PAK3: variants seen among roughly 807,000 people sequenced by gnomAD.
PAK3 encodes the protein p21 (RAC1) activated kinase 3, also known as serine/threonine-protein kinase PAK 3.
A neutral mutation model predicts 41.0 loss-of-function variants in PAK3; 4 were observed. That is an observed-to-expected ratio of 0.10 (90% CI 0.05 to 0.22). PAK3 has a LOEUF of 0.22. PAK3 is among the 10% of genes least tolerant of loss of function. PAK3 has a pLI of 1.00. For synonymous variants in PAK3, 146 were observed against 139.6 expected (o/e 1.05, Z -0.32); for missense variants, 205 against 409.9 (o/e 0.50, Z 4.32).
At chrX:110,955,993 G>A (rs1485860390) in intron 1 of PAK3, among the ~76,000 whole-genome samples, 1 of 112,087 alleles carries the variant, frequency 8.9e-6, no homozygotes, top group Non-Finnish European at 1.9e-5. Flanking sequence ...GTCTTGGAAA[G>A]TTTCTTAACC....
At chrX:111,136,404 T>A (rs1291226224) in intron 5 of PAK3, among the ~76,000 whole-genome samples, 2 of 111,276 alleles carry the variant, frequency 1.8e-5, no homozygotes, top group African/African-American at 6.5e-5. Flanking sequence ...TAGGGTAGGG[T>A]TTCATAGGAC....
chrX:111,183,985 A>C (rs2094485052), intron 11 of PAK3, among the ~76,000 whole-genome samples: 1 of 111,440 alleles, frequency 9.0e-6, no homozygotes, highest in South Asian at 3.8e-4. Flanking sequence ...CTCTAACTTC[A>C]AGTTAGGAGA....
At chrX:111,052,636 A>G (rs2092568965) in intron 1 of PAK3, among the ~76,000 whole-genome samples, 1 of 112,439 alleles carries the variant, frequency 8.9e-6, no homozygotes, top group Non-Finnish European at 1.9e-5. Context: ...TTCCTGATTC[A>G]TACAGCTACT....
chrX:111,167,647 T>A (rs2094276378), intron 10 of PAK3, among the ~76,000 whole-genome samples: 1 of 106,453 alleles, frequency 9.4e-6, no homozygotes, highest in South Asian at 4.3e-4. Context: ...CACTGCATGT[T>A]CTCACTCGTA....
At chrX:111,142,262 G>A (rs2093882926) in intron 6 of PAK3, 66 bp downstream of exon 6, 1 of 661,819 alleles carries the variant, frequency 1.5e-6, no homozygotes, top group Non-Finnish European at 2.5e-6. Flanking sequence ...TAGTTTTCAA[G>A]CAAGAATTGC....
At chrX:111,041,329 G>T (rs1415984673) in intron 1 of PAK3, among the ~76,000 whole-genome samples, 1 of 111,963 alleles carries the variant, frequency 8.9e-6, no homozygotes, top group Non-Finnish European at 1.9e-5. Flanking sequence ...CCTCTTGGTA[G>T]TCCTTAGGGA....
chrX:111,194,132 C>T lies in PAK3; in HGVS notation c.993-169C>T, dbSNP rs943714097. On this transcript the variant is annotated intron_variant, in intron 13 of 17. Transcript: ENST00000372007. Reference sequence around the variant, plus strand: ...GCCTGAATTATAGGGCTCTGGTGACCCTTGGCTCCATATTATGATCACTTG... The same window carrying T: ...GCCTGAATTATAGGGCTCTGGTGACTCTTGGCTCCATATTATGATCACTTG... Among the ~76,000 whole-genome samples, 15 of 111,488 alleles carry T rather than the reference C, an allele frequency of 1.3e-4. 2 individuals are homozygous for T. Among genetic ancestry groups the T allele is most frequent in the Admixed American group, 1.3e-3 (14 of 10,488 alleles).
At chrX:111,123,695 C>G (rs950017061) in intron 5 of PAK3, among the ~76,000 whole-genome samples, 3 of 111,509 alleles carry the variant, frequency 2.7e-5, no homozygotes, top group Non-Finnish European at 5.7e-5. Flanking sequence ...ATTTTGAATT[C>G]AGTATATGAG....
At chrX:110,990,652 A>C (rs1282711226) in intron 1 of PAK3, among the ~76,000 whole-genome samples, 2 of 111,252 alleles carry the variant, frequency 1.8e-5, no homozygotes, top group East Asian at 5.7e-4. Context: ...TTAAAAAAAA[A>C]AAAAGGATAT....
chrX:111,061,422 G>A (rs7066660), intron 1 of PAK3, among the ~76,000 whole-genome samples: 3,203 of 111,754 alleles, frequency 0.029, 103 homozygotes, highest in African/African-American at 0.097. Flanking sequence ...TCTGTAAGGG[G>A]AAGTATCTCA....
At chrX:111,142,242 T>A (rs1319960454) in intron 6 of PAK3, 46 bp downstream of exon 6, 1 of 741,023 alleles carries the variant, frequency 1.3e-6, no homozygotes, top group Non-Finnish European at 2.1e-6. Context: ...AAAGAATTCC[T>A]TTGTGAAAAT....
At chrX:110,945,993 T>A (rs2090611331) in intron 1 of PAK3, among the ~76,000 whole-genome samples, 1 of 111,867 alleles carries the variant, frequency 8.9e-6, no homozygotes, top group Non-Finnish European at 1.9e-5. Context: ...TAAAACATCA[T>A]CTCAGCTCAC....
intron 1 of PAK3, among the ~76,000 whole-genome samples, chrX:110,994,815 G>A (rs1168361568): frequency 9.0e-6 from 1 of 111,505 alleles, no homozygotes; most frequent in Non-Finnish European, 1.9e-5. Flanking sequence ...CATCTATGGA[G>A]TGATGATATG....
rs142732074 is a variant in PAK3, at chrX:111,022,431, C to T, written c.-28+77803C>T. Among the ~76,000 whole-genome samples, 147 of 111,765 alleles carry T rather than the reference C, an allele frequency of 1.3e-3. 2 individuals carry two copies. In the East Asian group the frequency reaches 0.028, roughly 21 times the overall value. ...GAATTTTGTATCCAGAGCAACTAAG[C>T]TTCATAAATGAAGGAAAGACACAGT... On this transcript the variant is annotated intron_variant, in intron 1 of 14. Transcript: ENST00000425146.
intron 11 of PAK3, among the ~76,000 whole-genome samples, chrX:111,182,343 C>G (rs2094470816): frequency 9.1e-6 from 1 of 109,972 alleles, no homozygotes; most frequent in South Asian, 4.1e-4. Flanking sequence ...TGTTACAGCT[C>G]TCTTTAAAAT....
Position 111,074,288 on chromosome X carries a change from AT to A in PAK3, c.-27-48788del, listed in dbSNP as rs777246118. On this transcript the variant is annotated intron_variant, in intron 1 of 14. Coordinates refer to the PAK3 transcript ENST00000425146. Reference sequence around the variant, plus strand: ...TGGGGGCCTGTTGGGAGGTTATTGGATCATGGGGGATGATCCCTCATGAATG... The same window carrying A: ...TGGGGGCCTGTTGGGAGGTTATTGGACATGGGGGATGATCCCTCATGAATG... 1.6e-3 allele frequency among the ~76,000 whole-genome samples: 176 copies of A among 111,489 alleles called. 1 individual carries two copies. The highest frequency in any genetic ancestry group is 5.6e-3 in the African/African-American group (170 of 30,612).
chrX:111,178,976 T>TAGAGAGAGAGAG (rs199904867), intron 11 of PAK3, among the ~76,000 whole-genome samples: 4,267 of 96,036 alleles, frequency 0.044, 267 homozygotes, highest in African/African-American at 0.16. Context: ...TATATATATA[T>TAGAGAGAGAGAG]ATATAGAGAG....
Position 111,004,301 on chromosome X carries a change from C to A in PAK3, c.-28+59673C>A, listed in dbSNP as rs141436394. On this transcript the variant is annotated intron_variant, in intron 1 of 14. Transcript: ENST00000425146. ...GCAAGGGATAGAGAGAGTTAAGAAGCCACTCGATCTTACTTAAGGCAGTGA... is the reference window on the plus strand; with the variant it reads ...GCAAGGGATAGAGAGAGTTAAGAAGACACTCGATCTTACTTAAGGCAGTGA... 5.5e-3 allele frequency among the ~76,000 whole-genome samples: 609 copies of A among 111,529 alleles called. 5 individuals carry two copies. Among genetic ancestry groups the A allele is most frequent in the African/African-American group, 0.019 (584 of 30,690 alleles).
chrX:110,981,789 A>T (rs1415694519), intron 1 of PAK3, among the ~76,000 whole-genome samples: 1 of 111,698 alleles, frequency 9.0e-6, no homozygotes, highest in Non-Finnish European at 1.9e-5. Context: ...ACCCACAGAA[A>T]CTGTACAAAA....
Sources: gnomAD v4.1 joint callset for allele counts (sites outside exome capture counted in the v4.1 genomes callset) on GRCh38, gnomAD v4.1.1 for gene constraint, MANE v1.5 for transcripts, NCBI Gene and HGNC (gene_info 2026-07-23, HGNC 2026-07-21) for gene names.